TMEM117: variants seen among roughly 807,000 people sequenced by gnomAD.
TMEM117 encodes the protein transmembrane protein 117.
In TMEM117, 27 loss-of-function variants were observed where a neutral mutation model predicts 52.4. That is an observed-to-expected ratio of 0.51 (90% CI 0.38 to 0.71). The LOEUF is 0.71. Among genes scored for constraint, TMEM117 ranks in the 30% least tolerant of loss-of-function variants. The pLI is 0.00. For synonymous variants in TMEM117, 215 were observed against 206.3 expected (o/e 1.04, Z -0.36); for missense variants, 556 against 630.5 (o/e 0.88, Z 1.26).
At chr12:43,806,115 T>G in the TMEM117 span, 2 of 1,523,912 alleles carry the variant, frequency 1.3e-6, no homozygotes, top group African/African-American at 1.4e-5. Flanking sequence ...GAGACCGACT[T>G]CCGGAGCTCC....
chr12:44,357,410 A>G (rs1951664744), intron 6 of TMEM117, among the ~76,000 whole-genome samples: 1 of 152,124 alleles, frequency 6.6e-6, no homozygotes, highest in Admixed American at 6.6e-5. Flanking sequence ...TGGGTATAGA[A>G]TAAGTGTTGA....
Position 44,033,557 on chromosome 12 carries a change from A to G in TMEM117, c.410+89215A>G, listed in dbSNP as rs112793233. Among the ~76,000 whole-genome samples, 417 of 152,316 alleles carry G rather than the reference A, an allele frequency of 2.7e-3. 3 individuals are homozygous for G. Among genetic ancestry groups the G allele is most frequent in the African/African-American group, 9.0e-3 (376 of 41,572 alleles). On this transcript the variant is annotated intron_variant, in intron 3 of 7. Coordinates refer to ENST00000266534, the MANE Select transcript of TMEM117 (RefSeq NM_032256.3). ...ATAATATGTCCTAGCTGGAAAGCCAACAAGCTCAGCTAACAGATGAAATAA... is the reference window on the plus strand; with the variant it reads ...ATAATATGTCCTAGCTGGAAAGCCAGCAAGCTCAGCTAACAGATGAAATAA...
At chr12:44,221,964 G>T (rs1388320102) in intron 5 of TMEM117, among the ~76,000 whole-genome samples, 1 of 152,112 alleles carries the variant, frequency 6.6e-6, no homozygotes, top group African/African-American at 2.4e-5. Context: ...CTCCCAAAGT[G>T]TTGGGATTAC....
chr12:44,162,481 C>T (rs549013221), intron 4 of TMEM117, among the ~76,000 whole-genome samples: 1 of 152,282 alleles, frequency 6.6e-6, no homozygotes, highest in South Asian at 2.1e-4. Flanking sequence ...GTCTCTTAGC[C>T]CTTCATGCTC....
rs186673154 is a variant in TMEM117, at chr12:43,868,130, C to T, written c.277+23202C>T. 8.6e-3 allele frequency among the ~76,000 whole-genome samples: 1,298 copies of T among 150,406 alleles called. 39 individuals are homozygous for T. The highest frequency in any genetic ancestry group is 0.067 in the East Asian group (341 of 5,124). On this transcript the variant is annotated intron_variant, in intron 2 of 7. Coordinates refer to ENST00000266534, the MANE Select transcript of TMEM117 (RefSeq NM_032256.3). ...CACACACAGACACACACTCTGTCTGCTGTCTCTCTCCTTCTCTCTCTCTCT... is the reference window on the plus strand; with the variant it reads ...CACACACAGACACACACTCTGTCTGTTGTCTCTCTCCTTCTCTCTCTCTCT...
chr12:43,837,451 A>G (rs1943050646), intron 1 of TMEM117, among the ~76,000 whole-genome samples: 1 of 151,816 alleles, frequency 6.6e-6, no homozygotes, highest in Admixed American at 6.6e-5. Flanking sequence ...GGTTCAAGGG[A>G]TTCTCCTGCC....
At chr12:44,345,057 GAAT>G (rs1951466949) in intron 6 of TMEM117, among the ~76,000 whole-genome samples, 1 of 151,994 alleles carries the variant, frequency 6.6e-6, no homozygotes, top group African/African-American at 2.4e-5. Context: ...CTGGGAAGAA[GAAT>G]GAGATTTCCA....
chr12:44,291,374 G>GT (rs1185340451), intron 5 of TMEM117, among the ~76,000 whole-genome samples: 7,374 of 71,122 alleles, frequency 0.1, 388 homozygotes, highest in Non-Finnish European at 0.12. Flanking sequence ...AGTTCTAACA[G>GT]TTTTTTTTTT....
intron 4 of TMEM117, among the ~76,000 whole-genome samples, chr12:44,188,338 A>G (rs1949305676): frequency 6.6e-6 from 1 of 152,012 alleles, no homozygotes; most frequent in African/African-American, 2.4e-5. Flanking sequence ...TTCTGGTACC[A>G]ATTTTAGTCT....
At position 44,077,805 on chromosome 12, in the gene TMEM117, C is replaced by G. The variant is rs1592496745; in HGVS notation, c.411-65720C>G. Among the ~76,000 whole-genome samples, 3 of 152,146 alleles carry G rather than the reference C, an allele frequency of 2.0e-5. 1 individual carries two copies. Among genetic ancestry groups the G allele is most frequent in the African/African-American group, 7.2e-5 (3 of 41,486 alleles). ...TAGTCCTTCAAACCAAACAGGATTC[C>G]AACAGCATAATTTTATTATTCCTTT... On this transcript the variant is annotated intron_variant, in intron 3 of 7. Coordinates refer to ENST00000266534, the MANE Select transcript of TMEM117 (RefSeq NM_032256.3).
chr12:44,331,904 C>G lies in TMEM117; in HGVS notation c.768+32165C>G, dbSNP rs1011155237. 2.0e-5 allele frequency among the ~76,000 whole-genome samples: 3 copies of G among 152,012 alleles called. No individual in the cohort carries two copies. In the East Asian group the frequency reaches 5.8e-4, roughly 29 times the overall value. ...ATTGACTGATGAAGAAAACTTTATT[C>G]TTGTCACCTTGGGCACATAGGTTTT... On this transcript the variant is annotated intron_variant, in intron 6 of 7. Transcript: ENST00000266534.
At chr12:44,097,774 G>T (rs1947794952) in intron 3 of TMEM117, among the ~76,000 whole-genome samples, 1 of 148,528 alleles carries the variant, frequency 6.7e-6, no homozygotes. Flanking sequence ...ACGAGTTAAT[G>T]GGTGCAATAC....
chr12:43,891,367 ATTT>A (rs772754829), intron 2 of TMEM117, among the ~76,000 whole-genome samples: 35 of 57,796 alleles, frequency 6.1e-4, no homozygotes, highest in South Asian at 9.4e-4. Context: ...TACCTCTTGA[ATTT>A]TTTTTTTTTT....
intron 2 of TMEM117, among the ~76,000 whole-genome samples, chr12:43,934,338 T>A (rs908499455): frequency 6.6e-6 from 1 of 152,180 alleles, no homozygotes; most frequent in Non-Finnish European, 1.5e-5. Context: ...GCAATTTGAT[T>A]TAGTTAAACT....
At chr12:44,227,737 C>T (rs1034674832) in intron 5 of TMEM117, among the ~76,000 whole-genome samples, 1 of 152,080 alleles carries the variant, frequency 6.6e-6, no homozygotes, top group African/African-American at 2.4e-5. Context: ...TCCCAGGCTC[C>T]TCCAATAGAC....
At chr12:43,967,599 G>T (rs1333557683) in intron 3 of TMEM117, among the ~76,000 whole-genome samples, 2 of 152,122 alleles carry the variant, frequency 1.3e-5, no homozygotes, top group African/African-American at 4.8e-5. Flanking sequence ...CCTGAGGCCT[G>T]CCAACAACCT....
intron 6 of TMEM117, among the ~76,000 whole-genome samples, chr12:44,326,305 C>T (rs1320979505): frequency 6.6e-6 from 1 of 152,156 alleles, no homozygotes; most frequent in African/African-American, 2.4e-5. Context: ...GTGTGTTCAA[C>T]ATACAGTTGT....
At chr12:44,117,712 C>T (rs989139080) in intron 3 of TMEM117, among the ~76,000 whole-genome samples, 2 of 151,980 alleles carry the variant, frequency 1.3e-5, no homozygotes, top group South Asian at 2.1e-4. Flanking sequence ...ACTTTTATAT[C>T]ATCTATATTT....
At chr12:44,339,332 A>G (rs908288114) in intron 6 of TMEM117, among the ~76,000 whole-genome samples, 2 of 152,068 alleles carry the variant, frequency 1.3e-5, no homozygotes, top group Non-Finnish European at 2.9e-5. Flanking sequence ...GACTAAAGTC[A>G]TACTAAAAGA....
Sources: allele counts gnomAD v4.1 joint callset (sites outside exome capture counted in the v4.1 genomes callset), GRCh38; gene constraint gnomAD v4.1.1; transcripts MANE v1.5; gene names NCBI Gene and HGNC (gene_info 2026-07-23, HGNC 2026-07-21).